The following RBFOX1 variants were observed in gnomAD, a reference collection of about 807,000 sequenced individuals.
RBFOX1 encodes RNA binding fox-1 homolog 1, also known as RNA binding protein fox-1 homolog 1.
In RBFOX1, 8 loss-of-function variants were observed where a neutral mutation model predicts 57.7. The ratio of observed to expected loss-of-function variants is 0.14; its 90% confidence interval spans 0.08 to 0.25. The LOEUF (loss-of-function observed/expected upper bound fraction) is 0.25. RBFOX1 is among the 10% of genes least tolerant of loss of function. The pLI is 1.00. For missense variants in RBFOX1, 611 were observed against 548.5 expected (o/e 1.11, Z -1.14); for synonymous variants, 326 against 222.4 (o/e 1.47, Z -4.15).
intron 2 of RBFOX1, among the ~76,000 whole-genome samples, chr16:6,642,595 C>G (rs929600): frequency 2.0e-5 from 3 of 151,264 alleles, no homozygotes; most frequent in African/African-American, 7.3e-5. Flanking sequence ...TAACCACACT[C>G]CAAAAAAAAA....
intron 3 of RBFOX1, among the ~76,000 whole-genome samples, chr16:6,759,249 C>A (rs1290717826): frequency 2.0e-5 from 3 of 151,436 alleles, no homozygotes; most frequent in East Asian, 3.9e-4. Context: ...CTCCTGGGTT[C>A]CAGCAGTTCT....
chr16:6,061,056 C>A (rs1336942432), intron 1 of RBFOX1, among the ~76,000 whole-genome samples: 1 of 152,122 alleles, frequency 6.6e-6, no homozygotes, highest in African/African-American at 2.4e-5. Context: ...GATTACGACC[C>A]ATGCATTCAT....
chr16:5,961,073 A>G (rs1344771844), intron 4 of RBFOX1, among the ~76,000 whole-genome samples: 2 of 152,198 alleles, frequency 1.3e-5, no homozygotes, highest in Non-Finnish European at 2.9e-5. Flanking sequence ...AGTTTGAGAA[A>G]TGTGTTTTCC....
At chr16:7,568,882 C>CAAAAAA (rs34858992) in intron 5 of RBFOX1, among the ~76,000 whole-genome samples, 8 of 77,536 alleles carry the variant, frequency 1.0e-4, no homozygotes, top group Non-Finnish European at 1.4e-4. Flanking sequence ...GACTCTGTCT[C>CAAAAAA]AAAAAAAAAA....
chr16:6,703,608 G>A (rs555572250), intron 3 of RBFOX1, among the ~76,000 whole-genome samples: 1 of 152,160 alleles, frequency 6.6e-6, no homozygotes, highest in African/African-American at 2.4e-5. Flanking sequence ...TTGGGAGGCT[G>A]AGGTGGGAGG....
At chr16:6,706,627 C>T (rs1222470600) in intron 3 of RBFOX1, among the ~76,000 whole-genome samples, 1 of 151,928 alleles carries the variant, frequency 6.6e-6, no homozygotes, top group Non-Finnish European at 1.5e-5. Flanking sequence ...GTCTTGCCAA[C>T]ACTGGCCTTT....
intron 4 of RBFOX1, among the ~76,000 whole-genome samples, chr16:7,484,419 A>T (rs953069277): frequency 1.1e-4 from 16 of 152,194 alleles, no homozygotes; most frequent in African/African-American, 3.9e-4. Context: ...GTTGTTATCC[A>T]AAGTGGCTGT....
Position 5,993,339 on chromosome 16 carries a change from ACGTG to A in RBFOX1, c.351+126005_351+126008del, listed in dbSNP as rs1283058139. Among the ~76,000 whole-genome samples, 8 of 94,152 alleles carry A rather than the reference ACGTG, an allele frequency of 8.5e-5. No individual in the cohort carries two copies. The East Asian group carries it at 1.4e-3, about 16-fold the overall frequency. 61.8% of individuals were successfully genotyped at this position (94,152 alleles called of 152,430 possible). A position where few individuals can be genotyped will look rare whatever the true frequency, so the allele number is the denominator to read the frequency against. ...TTGCCTGCCTATTTGATAATGCTGT[ACGTG>A]TGTGTGTGTGTGTGTGTGTGTGTGT... On this transcript the variant is annotated intron_variant, in intron 4 of 19. Transcript: ENST00000641259.
At chr16:6,980,854 C>A (rs971967247) in intron 3 of RBFOX1, among the ~76,000 whole-genome samples, 3 of 152,096 alleles carry the variant, frequency 2.0e-5, no homozygotes, top group Middle Eastern at 6.8e-3. Context: ...ACCAGTCTGG[C>A]TAACATGTTG....
intron 4 of RBFOX1, among the ~76,000 whole-genome samples, chr16:7,449,050 C>G (rs1052587356): frequency 6.8e-6 from 1 of 147,106 alleles, no homozygotes; most frequent in South Asian, 2.2e-4. Flanking sequence ...CTGCGTCAGT[C>G]TCCGGAGTAG....
chr16:6,209,051 T>C (rs1342354112), intron 1 of RBFOX1, among the ~76,000 whole-genome samples: 3 of 152,202 alleles, frequency 2.0e-5, no homozygotes, highest in Non-Finnish European at 4.4e-5. Flanking sequence ...ATGTTTGTGT[T>C]ATAAAATTGG....
chr16:6,500,866 T>C (rs60144128), intron 2 of RBFOX1, among the ~76,000 whole-genome samples: 102,640 of 148,824 alleles, frequency 0.69, 37,224 homozygotes, highest in Non-Finnish European at 0.78. Flanking sequence ...ATCTCAGCCC[T>C]TGGGGAGTAG....
chr16:7,094,744 C>CTCTGTGTGTGTG (rs1760216106), intron 4 of RBFOX1, among the ~76,000 whole-genome samples: 2 of 139,352 alleles, frequency 1.4e-5, no homozygotes, highest in Non-Finnish European at 3.1e-5. Context: ...GACTGTACAG[C>CTCTGTGTGTGTG]TGTGTGTGTG....
intron 3 of RBFOX1, among the ~76,000 whole-genome samples, chr16:6,987,968 G>C (rs9940701): frequency 0.78 from 119,297 of 152,070 alleles, 47,319 homozygotes; most frequent in African/African-American, 0.91. Context: ...CAGCTAGGCA[G>C]TCTTTCCTTG....
intron 3 of RBFOX1, chr16:6,983,665 G>A (rs779442570): frequency 1.3e-5 from 2 of 152,198 alleles, no homozygotes; most frequent in African/African-American, 4.8e-5. Flanking sequence ...CTTGGGAGAA[G>A]AGGCAAGGCC....
chr16:6,085,553 G>C (rs2096071635), intron 1 of RBFOX1, among the ~76,000 whole-genome samples: 2 of 152,228 alleles, frequency 1.3e-5, no homozygotes, highest in African/African-American at 4.8e-5. Flanking sequence ...ACAGGCGTGA[G>C]CCACTGTGCC....
At chr16:7,008,454 C>T (rs1358905309) in intron 3 of RBFOX1, among the ~76,000 whole-genome samples, 3 of 151,864 alleles carry the variant, frequency 2.0e-5, no homozygotes, top group South Asian at 4.2e-4. Flanking sequence ...GCAGCAGAAT[C>T]GCTTGAACCT....
chr16:7,363,308 T>C (rs2097366599), intron 4 of RBFOX1, among the ~76,000 whole-genome samples: 1 of 152,164 alleles, frequency 6.6e-6, no homozygotes, highest in Non-Finnish European at 1.5e-5. Context: ...CTGTCTCCCA[T>C]CTAACTACTT....
chr16:7,258,002 C>T (rs905765954), intron 4 of RBFOX1, among the ~76,000 whole-genome samples: 1 of 152,168 alleles, frequency 6.6e-6, no homozygotes, highest in Non-Finnish European at 1.5e-5. Flanking sequence ...ACAACTCTGA[C>T]ATTTGAGATG....
Sources: allele counts gnomAD v4.1 joint callset (sites outside exome capture counted in the v4.1 genomes callset), GRCh38; gene constraint gnomAD v4.1.1; transcripts MANE v1.5; gene names NCBI Gene and HGNC (gene_info 2026-07-23, HGNC 2026-07-21).